CEP43: variants seen among roughly 807,000 people sequenced by gnomAD.
The protein encoded by CEP43 is centrosomal protein 43, also known as FGFR1 oncogene partner.
Under a neutral mutation model 52.6 loss-of-function variants are expected in CEP43, and 36 were observed. The observed-to-expected ratio is 0.68, with a 90% CI of 0.52 to 0.90. The LOEUF (loss-of-function observed/expected upper bound fraction) is 0.90. CEP43 is among the 40% of genes least tolerant of loss of function. The pLI is 0.00. For missense variants in CEP43, 506 were observed against 472.8 expected (o/e 1.07, Z -0.65); for synonymous variants, 192 against 172.4 (o/e 1.11, Z -0.89).
At chr6:167,011,607 T>G (rs1025915383) in intron 6 of CEP43, 2 of 152,126 alleles carry the variant, frequency 1.3e-5, no homozygotes, top group Admixed American at 1.3e-4. Context: ...AAAGGATAGG[T>G]TGGGGTCTGT....
intron 5 of CEP43, among the ~76,000 whole-genome samples, chr6:167,008,536 C>T (rs1168751961): frequency 1.3e-5 from 2 of 152,064 alleles, no homozygotes; most frequent in African/African-American, 2.4e-5. Flanking sequence ...AAGATCTCAA[C>T]TCACTGCTGC....
Position 167,041,305 on chromosome 6 carries a change from C to T in CEP43, c.*1327C>T. On this transcript the variant is annotated 3_prime_UTR_variant, in exon 13 of 13. Coordinates refer to ENST00000366847, the MANE Select transcript of CEP43 (RefSeq NM_007045.4). ...AAATGTAAGGATTAAGGCTGTGTAA[C>T]AGAATCTGGCTTTTTAAAATTTAAG... The T allele has an allele frequency of 9.5e-7, 1 of 1,052,856 alleles. No individual in the cohort carries two copies. Among genetic ancestry groups the T allele is most frequent in the Non-Finnish European group, 1.1e-6 (1 of 871,482 alleles). 65.2% of individuals were successfully genotyped at this position (1,052,856 alleles called of 1,614,324 possible).
At chr6:167,028,987 A>G (rs1349107121) in intron 10 of CEP43, among the ~76,000 whole-genome samples, 1 of 152,234 alleles carries the variant, frequency 6.6e-6, no homozygotes, top group Non-Finnish European at 1.5e-5. Context: ...AAGAGTTGCT[A>G]AGCTTTTTCC....
chr6:167,033,155 C>T (rs191617264), intron 11 of CEP43, among the ~76,000 whole-genome samples: 6 of 137,856 alleles, frequency 4.4e-5, no homozygotes, highest in Non-Finnish European at 6.1e-5. Flanking sequence ...CTGTTGCCCA[C>T]GCTGGAGTGC....
At chr6:167,004,423 C>T (rs779550639) in intron 5 of CEP43, 22 bp downstream of exon 5, 1 of 1,558,010 alleles carries the variant, frequency 6.4e-7, no homozygotes. Flanking sequence ...TCTGTGTTAT[C>T]TTTTTCTATT....
At chr6:167,015,743 A>G (rs993614080) in intron 7 of CEP43, among the ~76,000 whole-genome samples, 5 of 152,202 alleles carry the variant, frequency 3.3e-5, no homozygotes, top group African/African-American at 1.2e-4. Context: ...CAGGGAAGCT[A>G]TATTCATATT....
intron 10 of CEP43, chr6:167,028,220 T>A (rs1780394067): frequency 1.0e-6 from 1 of 985,334 alleles, no homozygotes; most frequent in Non-Finnish European, 1.2e-6. Context: ...CTGACTGCTC[T>A]ATTCTCTTAC....
At chr6:167,036,604 A>G (rs1049381127) in intron 12 of CEP43, 2 of 985,318 alleles carry the variant, frequency 2.0e-6, no homozygotes, top group African/African-American at 3.5e-5. Context: ...ACTTTTCAAA[A>G]TCTTACAAGT....
intron 10 of CEP43, among the ~76,000 whole-genome samples, chr6:167,029,771 G>T (rs1304207069): frequency 6.6e-6 from 1 of 152,208 alleles, no homozygotes; most frequent in Non-Finnish European, 1.5e-5. Context: ...GGTGCAGGCA[G>T]GCTGAGTCCG....
At chr6:167,026,320 G>A (rs962977585) in intron 9 of CEP43, among the ~76,000 whole-genome samples, 13 of 152,314 alleles carry the variant, frequency 8.5e-5, no homozygotes, top group South Asian at 8.3e-4. Flanking sequence ...CTGAGACCGC[G>A]CCATTGCACT....
In CEP43 at chr6:167,013,504, T is replaced by G; in HGVS notation, c.520-4T>G. 6.2e-7 allele frequency: 1 copy of G among 1,610,922 alleles called. No homozygotes were observed. Among genetic ancestry groups the G allele is most frequent in the South Asian group, 1.1e-5 (1 of 90,850 alleles). On this transcript the variant is annotated splice_polypyrimidine_tract_variant and splice_region_variant and intron_variant, in intron 6 of 12. Transcript: ENST00000366847. ...GTAAAATCTCATTTTATTCTCATGC[T>G]CAGATACCAAGGTATAAAGGACAAG...
rs558257802 is a variant in CEP43, at chr6:167,046,006, T to A, written c.*6028T>A. 62 of 152,392 alleles carry A rather than the reference T, an allele frequency of 4.1e-4. No homozygotes were observed. The highest frequency in any genetic ancestry group is 1.4e-3 in the African/African-American group (60 of 41,586). 9.4% of individuals were successfully genotyped at this position (152,392 alleles called of 1,614,324 possible). On this transcript the variant is annotated 3_prime_UTR_variant, in exon 13 of 13. Transcript: ENST00000366847. The stretch of plus-strand genomic sequence containing the variant: ...TTTTCTAGCAGCTCTCATGGGTTCA[T>A]CCCTGCTGCGGGCATTGCTCCACCA...
intron 7 of CEP43, among the ~76,000 whole-genome samples, chr6:167,015,016 A>G (rs1051790971): frequency 6.6e-6 from 1 of 152,266 alleles, no homozygotes; most frequent in African/African-American, 2.4e-5. Flanking sequence ...AGAAGTTTAT[A>G]CATAGAGCCA....
rs377585298 is a variant in CEP43 at position 167,044,196 on chromosome 6, C to T, written c.*4218C>T. The T allele has an allele frequency of 6.4e-6, 1 of 156,278 alleles. No homozygotes were observed. The highest frequency in any genetic ancestry group is 1.4e-5 in the Non-Finnish European group (1 of 71,890). 9.7% of individuals were successfully genotyped at this position (156,278 alleles called of 1,614,324 possible). The stretch of plus-strand genomic sequence containing the variant: ...ATCCAGTCCAAGGTACTTTAGGAAC[C>T]TGAATGGATTAAGACAAACCTGATT... On this transcript the variant is annotated 3_prime_UTR_variant, in exon 13 of 13. Transcript: ENST00000366847.
Position 167,040,545 on chromosome 6 carries a change from T to G in CEP43, c.*567T>G. ...TCCATTTGGAAGGTTTGTTAGACCATTAAGGTTATATTAAAGTACTCTTGT... is the reference window on the plus strand; with the variant it reads ...TCCATTTGGAAGGTTTGTTAGACCAGTAAGGTTATATTAAAGTACTCTTGT... On this transcript the variant is annotated 3_prime_UTR_variant, in exon 13 of 13. Coordinates refer to ENST00000366847, the MANE Select transcript of CEP43 (RefSeq NM_007045.4). 9.1e-7 allele frequency: 1 copy of G among 1,102,012 alleles called. No individual in the cohort carries two copies. Among genetic ancestry groups the G allele is most frequent in the Non-Finnish European group, 1.1e-6 (1 of 899,908 alleles). The allele number at this position is 1,102,012 out of a possible 1,614,324, so 68.3% of individuals were successfully genotyped here.
In CEP43 at chr6:167,043,835, A is replaced by G. The variant is rs1463714421; in HGVS notation, c.*3857A>G. 1 of 152,238 alleles carries G rather than the reference A, an allele frequency of 6.6e-6. No individual in the cohort carries two copies. Among genetic ancestry groups the G allele is most frequent in the East Asian group, 1.9e-4 (1 of 5,200 alleles). The allele number at this position is 152,238 out of a possible 1,614,324, so 9.4% of individuals were successfully genotyped here. The stretch of plus-strand genomic sequence containing the variant: ...AATGTATGTCATGAAAGACAGATGA[A>G]CAAAGAACTGATCTTGAAGAAAATG... On this transcript the variant is annotated 3_prime_UTR_variant, in exon 13 of 13. Coordinates refer to ENST00000366847, the MANE Select transcript of CEP43 (RefSeq NM_007045.4).
At chr6:167,015,373 TC>T in intron 7 of CEP43, among the ~76,000 whole-genome samples, 1 of 152,244 alleles carries the variant, frequency 6.6e-6, no homozygotes, top group Non-Finnish European at 1.5e-5. Flanking sequence ...AGCTCTTTGT[TC>T]CCCTGCCTTT....
chr6:167,015,326 G>A (rs1481847610), intron 7 of CEP43, among the ~76,000 whole-genome samples: 3 of 152,150 alleles, frequency 2.0e-5, no homozygotes, highest in Non-Finnish European at 4.4e-5. Flanking sequence ...TACCCCATGT[G>A]GCCTATTGCC....
intron 7 of CEP43, among the ~76,000 whole-genome samples, chr6:167,016,558 G>T (rs965114876): frequency 1.3e-5 from 2 of 152,156 alleles, no homozygotes; most frequent in African/African-American, 4.8e-5. Flanking sequence ...CACCGTGCCT[G>T]GCCCAGTTTT....
Sources: gnomAD v4.1 joint callset for allele counts (sites outside exome capture counted in the v4.1 genomes callset) on GRCh38, gnomAD v4.1.1 for gene constraint, MANE v1.5 for transcripts, NCBI Gene and HGNC (gene_info 2026-07-23, HGNC 2026-07-21) for gene names.